Variants in PCMTD1 observed in about 807,000 individuals in gnomAD.
PCMTD1 encodes the protein protein-L-isoaspartate O-methyltransferase domain-containing protein 1.
Under a neutral mutation model 37.6 loss-of-function variants are expected in PCMTD1, and 12 were observed. The ratio of observed to expected loss-of-function variants is 0.32; its 90% confidence interval spans 0.20 to 0.52. The LOEUF is 0.52. PCMTD1 is among the 20% of genes least tolerant of loss of function. The pLI is 0.97. For synonymous variants in PCMTD1, 117 were observed against 135.8 expected (o/e 0.86, Z 0.96); for missense variants, 235 against 421.3 (o/e 0.56, Z 3.87).
chr8:51,830,070 G>A (rs2037977707), intron 5 of PCMTD1, among the ~76,000 whole-genome samples: 1 of 152,038 alleles, frequency 6.6e-6, no homozygotes, highest in African/African-American at 2.4e-5. Flanking sequence ...CTCCCTCCTT[G>A]AAACTTTTCT....
intron 1 of PCMTD1, among the ~76,000 whole-genome samples, chr8:51,877,218 G>A (rs1262205210): frequency 6.6e-6 from 1 of 152,154 alleles, no homozygotes; most frequent in Non-Finnish European, 1.5e-5. Context: ...AAGGAGACAG[G>A]GTCATTTATA....
intron 1 of PCMTD1, among the ~76,000 whole-genome samples, chr8:51,865,691 C>T (rs1486025076): frequency 6.6e-6 from 1 of 151,920 alleles, no homozygotes; most frequent in Non-Finnish European, 1.5e-5. Flanking sequence ...ATAATAAAGG[C>T]TATTATGAAA....
chr8:51,887,750 T>TC (rs1249236936), intron 1 of PCMTD1, among the ~76,000 whole-genome samples: 3 of 150,100 alleles, frequency 2.0e-5, no homozygotes, highest in African/African-American at 7.3e-5. Flanking sequence ...AATTTCTTTT[T>TC]TTTTTTTTTT....
intron 1 of PCMTD1, among the ~76,000 whole-genome samples, chr8:51,885,869 CAAA>C (rs1199985879): frequency 2.0e-5 from 3 of 152,104 alleles, no homozygotes; most frequent in Non-Finnish European, 4.4e-5. Context: ...TTTGGAAAAA[CAAA>C]AACACTTTCA....
At chr8:51,865,156 A>G (rs957010925) in intron 1 of PCMTD1, among the ~76,000 whole-genome samples, 2 of 152,146 alleles carry the variant, frequency 1.3e-5, no homozygotes, top group Non-Finnish European at 2.9e-5. Flanking sequence ...GAACAAACCA[A>G]TAACAAGCAA....
chr8:51,880,872 G>T (rs1304564601), intron 1 of PCMTD1, among the ~76,000 whole-genome samples: 4 of 152,220 alleles, frequency 2.6e-5, no homozygotes, highest in Admixed American at 1.3e-4. Flanking sequence ...AAAAGTTAAA[G>T]AGTATGGCTT....
At chr8:51,833,046 T>C in intron 4 of PCMTD1, among the ~76,000 whole-genome samples, 1 of 152,190 alleles carries the variant, frequency 6.6e-6, no homozygotes, top group East Asian at 1.9e-4. Flanking sequence ...GGTTTCGCCA[T>C]GTTGCCCAGA....
chr8:51,890,082 C>T (rs2038916981), intron 1 of PCMTD1, among the ~76,000 whole-genome samples: 1 of 147,854 alleles, frequency 6.8e-6, no homozygotes, highest in African/African-American at 2.4e-5. Flanking sequence ...ATGGTGATTA[C>T]CTCCCTTTTC....
intron 1 of PCMTD1, among the ~76,000 whole-genome samples, chr8:51,878,534 C>T (rs2038747741): frequency 6.6e-6 from 1 of 151,870 alleles, no homozygotes; most frequent in African/African-American, 2.4e-5. Context: ...ACTGTTTGAG[C>T]CTAGGAGTTT....
At position 51,820,320 on chromosome 8, in the gene PCMTD1, T is replaced by G; in HGVS notation, c.*31A>C. ...GCTACATTTTCAAGACTAAAGGAAT[T>G]ATCAGTAGGCATTTTTCTTCTTGAT... is the stretch of plus-strand genomic sequence containing the variant. On this transcript the variant is annotated 3_prime_UTR_variant, in exon 6 of 6. Coordinates refer to ENST00000522514, the MANE Select transcript of PCMTD1 (RefSeq NM_052937.4). 1 of 1,509,456 alleles carries G rather than the reference T, an allele frequency of 6.6e-7. No homozygotes were observed. Among genetic ancestry groups the G allele is most frequent in the Non-Finnish European group, 8.8e-7 (1 of 1,131,872 alleles). The allele number at this position is 1,509,456 out of a possible 1,614,324, so 93.5% of individuals were successfully genotyped here.
chr8:51,848,305 AAGAG>A (rs1451497878), intron 2 of PCMTD1, among the ~76,000 whole-genome samples: 2 of 151,684 alleles, frequency 1.3e-5, no homozygotes, highest in African/African-American at 4.8e-5. Context: ...AAAAAAAGAG[AAGAG>A]AGAGAGAGAA....
intron 1 of PCMTD1, among the ~76,000 whole-genome samples, chr8:51,861,695 C>G (rs1394058649): frequency 6.6e-6 from 1 of 150,696 alleles, no homozygotes; most frequent in East Asian, 1.9e-4. Context: ...GGTCTTAGGT[C>G]TTTAGAGTCA....
intron 4 of PCMTD1, among the ~76,000 whole-genome samples, chr8:51,832,575 G>T (rs545134072): frequency 1.1e-4 from 17 of 152,270 alleles, no homozygotes; most frequent in African/African-American, 4.1e-4. Flanking sequence ...TCAGATTTCA[G>T]TTAACGTGAA....
chr8:51,849,714 G>A (rs771866035), intron 2 of PCMTD1: 3 of 196,928 alleles, frequency 1.5e-5, no homozygotes, highest in Non-Finnish European at 3.1e-5. Flanking sequence ...CTAATAATTG[G>A]ATCTAATCTA....
rs145677380 is a variant in PCMTD1 at position 51,884,521 on chromosome 8, G to C, written c.-96+14409C>G. On this transcript the variant is annotated intron_variant, in intron 1 of 5. Coordinates refer to ENST00000522514, the MANE Select transcript of PCMTD1 (RefSeq NM_052937.4). Reference sequence around the variant, plus strand: ...TAATATGCTGCCCTGATCCCACCAGGGATTAGGCACAAAGAAATAGTCTTT... The same window carrying C: ...TAATATGCTGCCCTGATCCCACCAGCGATTAGGCACAAAGAAATAGTCTTT... Among the ~76,000 whole-genome samples, 245 of 152,222 alleles carry C rather than the reference G, an allele frequency of 1.6e-3. 3 individuals are homozygous for C. The highest frequency in any genetic ancestry group is 4.4e-3 in the East Asian group (23 of 5,170).
chr8:51,843,402 C>G, intron 3 of PCMTD1, among the ~76,000 whole-genome samples: 1 of 152,096 alleles, frequency 6.6e-6, no homozygotes, highest in South Asian at 2.1e-4. Flanking sequence ...CAAAAATAAG[C>G]TGTAACAAAC....
At chr8:51,825,394 C>G (rs1338418348) in intron 5 of PCMTD1, among the ~76,000 whole-genome samples, 1 of 146,968 alleles carries the variant, frequency 6.8e-6, no homozygotes, top group African/African-American at 2.4e-5. Flanking sequence ...ACAGACACTT[C>G]TCAAAATAAG....
intron 1 of PCMTD1, among the ~76,000 whole-genome samples, chr8:51,876,498 A>G (rs1307573683): frequency 6.6e-6 from 1 of 152,344 alleles, no homozygotes; most frequent in South Asian, 2.1e-4. Flanking sequence ...ACCAGTAACC[A>G]TAAGAAAATC....
chr8:51,858,170 T>C (rs2038418456), intron 2 of PCMTD1, among the ~76,000 whole-genome samples: 1 of 152,186 alleles, frequency 6.6e-6, no homozygotes, highest in African/African-American at 2.4e-5. Flanking sequence ...GTTTCTGGAT[T>C]TGTGTTTCTG....
Sources: allele counts gnomAD v4.1 joint callset (sites outside exome capture counted in the v4.1 genomes callset), GRCh38; gene constraint gnomAD v4.1.1; transcripts MANE v1.5; gene names NCBI Gene and HGNC (gene_info 2026-07-23, HGNC 2026-07-21).